VMP1: variants seen among roughly 807,000 people sequenced by gnomAD.
The protein encoded by VMP1 is ectopic P-granules autophagy protein 3 homolog.
In VMP1, 11 loss-of-function variants were observed where a neutral mutation model predicts 56.0. The ratio of observed to expected loss-of-function variants is 0.20; its 90% CI spans 0.12 to 0.32. The LOEUF (loss-of-function observed/expected upper bound fraction) is 0.32, where lower values mean the gene tolerates loss of function less well. Among genes scored for constraint, VMP1 ranks in the 10% least tolerant of loss-of-function variants. The probability of loss-of-function intolerance (pLI) is 1.00; values close to 1 mark genes in which losing one functional copy is unlikely to be tolerated. For synonymous variants in VMP1, 149 were observed against 165.0 expected, an observed-to-expected ratio of 0.90 and a Z score of 0.74; for missense variants, 296 against 490.3, an observed-to-expected ratio of 0.60 and a Z score of 3.74.
At chr17:59,718,184 C>CTTTTTTTTTT (rs971095445) in intron 1 of VMP1, among the ~76,000 whole-genome samples, 4 of 79,252 alleles carry the variant, frequency 5.0e-5, no homozygotes, top group African/African-American at 8.9e-5. Context: ...TCCCTCCCTC[C>CTTTTTTTTTT]TTTTTTTTTT....
At chr17:59,765,231 G>C (rs2036190598) in intron 6 of VMP1, 93 bp downstream of exon 6, 5 of 1,365,516 alleles carry the variant, frequency 3.7e-6, no homozygotes, top group African/African-American at 1.5e-5. Flanking sequence ...CATATTCCTT[G>C]TCAGTAAATG....
chr17:59,788,402 G>T (rs568419895), intron 7 of VMP1, among the ~76,000 whole-genome samples: 2 of 151,944 alleles, frequency 1.3e-5, no homozygotes, highest in South Asian at 4.1e-4. Context: ...CAGGAGAATC[G>T]CTTGAACCCG....
chr17:59,810,885 C>T (rs1213562005), intron 8 of VMP1, among the ~76,000 whole-genome samples: 15 of 152,162 alleles, frequency 9.9e-5, no homozygotes, highest in Admixed American at 9.8e-4. Context: ...ATGAAGTGCT[C>T]AAAAACAGCT....
chr17:59,743,596 T>C (rs1053385180), intron 5 of VMP1, among the ~76,000 whole-genome samples: 1 of 149,414 alleles, frequency 6.7e-6, no homozygotes, highest in African/African-American at 2.4e-5. Context: ...ATATATATGC[T>C]ATATTATATA....
At chr17:59,743,559 GCT>G (rs367998812) in intron 5 of VMP1, among the ~76,000 whole-genome samples, 133 of 145,042 alleles carry the variant, frequency 9.2e-4, no homozygotes, top group South Asian at 2.2e-3. Flanking sequence ...TTAAAAAACT[GCT>G]CTCTCTCTCT....
chr17:59,781,406 C>G (rs549535682), intron 7 of VMP1, among the ~76,000 whole-genome samples: 12 of 152,260 alleles, frequency 7.9e-5, no homozygotes, highest in African/African-American at 2.9e-4. Flanking sequence ...GCATACATAA[C>G]TTTTTATAAA....
chr17:59,833,118 G>A lies in VMP1; in HGVS notation c.975-5177G>A, dbSNP rs78560476. Among the ~76,000 whole-genome samples the A allele has an allele frequency of 7.9e-5, 12 of 152,092 alleles. No individual in the cohort carries two copies. The East Asian group carries it at 2.3e-3, about 29-fold the overall frequency. Reference sequence around the variant, plus strand: ...TTGCAAATTATTACTCCCACCGTGTGTGCACTTTAAATTAATCTTAAGTGT... The same window carrying A: ...TTGCAAATTATTACTCCCACCGTGTATGCACTTTAAATTAATCTTAAGTGT... On this transcript the variant is annotated intron_variant, in intron 10 of 11. Transcript: ENST00000262291.
chr17:59,786,141 T>A (rs1271188854), intron 7 of VMP1, among the ~76,000 whole-genome samples: 1 of 152,242 alleles, frequency 6.6e-6, no homozygotes, highest in Non-Finnish European at 1.5e-5. Context: ...TTCTCATTCT[T>A]ATGGCCAATG....
intron 7 of VMP1, among the ~76,000 whole-genome samples, chr17:59,782,242 C>A (rs2036849318): frequency 6.6e-6 from 1 of 152,052 alleles, no homozygotes. Flanking sequence ...TGGTTTTATT[C>A]TTTTAAGTCT....
Position 59,765,003 on chromosome 17 carries a change from T to G in VMP1, c.447T>G (p.Ala149=), listed in dbSNP as rs1354035106. Residue 149 remains alanine (A), a synonymous_variant, in exon 6 of 12, where the codon GCT becomes GCG. Coordinates refer to ENST00000262291, the MANE Select transcript of VMP1 (RefSeq NM_030938.5). ...GPHIASVTLA[A]YECNSVNFPE... ...ATATAGCCTCAGTTACATTAGCTGC[T>G]TATGAATGCAATTCAGTTAATTTTC... 8 of 1,613,398 alleles carry G rather than the reference T, an allele frequency of 5.0e-6. No homozygotes were observed. Among genetic ancestry groups the G allele is most frequent in the Non-Finnish European group, 6.8e-6 (8 of 1,179,704 alleles).
At chr17:59,839,423 T>C (rs1246758642) in intron 11 of VMP1, 1 of 207,190 alleles carries the variant, frequency 4.8e-6, no homozygotes, top group Non-Finnish European at 9.6e-6. Flanking sequence ...AACAAAAATA[T>C]TTAACTGTCT....
At chr17:59,714,486 A>G (rs1268266003) in intron 1 of VMP1, among the ~76,000 whole-genome samples, 1 of 152,150 alleles carries the variant, frequency 6.6e-6, no homozygotes, top group Non-Finnish European at 1.5e-5. Context: ...TCAAACAATA[A>G]TAGGAGTGTT....
chr17:59,832,761 A>ATTTTTTTTTTTTTTTTTTTTTTTTT, intron 10 of VMP1, among the ~76,000 whole-genome samples: 1 of 101,346 alleles, frequency 9.9e-6, no homozygotes. Flanking sequence ...GCCTGGCAAT[A>ATTTTTTTTTTTTTTTTTTTTTTTTT]TTTTTTTTTT....
chr17:59,801,409 C>G (rs1371231495), intron 7 of VMP1, among the ~76,000 whole-genome samples: 4 of 143,646 alleles, frequency 2.8e-5, no homozygotes, highest in African/African-American at 9.9e-5. Context: ...CCACACCCAG[C>G]TAATTGTTTT....
intron 5 of VMP1, among the ~76,000 whole-genome samples, chr17:59,746,211 C>T (rs1378295106): frequency 6.6e-6 from 1 of 152,188 alleles, no homozygotes; most frequent in Admixed American, 6.5e-5. Context: ...CTCTCTGACA[C>T]CCAGGCTGGA....
chr17:59,770,311 A>G (rs1291626147), intron 6 of VMP1, among the ~76,000 whole-genome samples: 2 of 152,162 alleles, frequency 1.3e-5, no homozygotes, highest in Non-Finnish European at 2.9e-5. Flanking sequence ...TCTATGGAAG[A>G]TTTTCCAAAG....
At chr17:59,708,603 A>G (rs189730183) in intron 1 of VMP1, among the ~76,000 whole-genome samples, 4 of 152,274 alleles carry the variant, frequency 2.6e-5, no homozygotes, top group Admixed American at 2.6e-4. Flanking sequence ...TTTCATTTCT[A>G]CTTTGGGGCT....
intron 10 of VMP1, among the ~76,000 whole-genome samples, chr17:59,823,471 C>A (rs561196823): frequency 6.8e-6 from 1 of 147,316 alleles, no homozygotes; most frequent in Admixed American, 6.8e-5. Flanking sequence ...AAAATCGGGC[C>A]GGGGGCAGTG....
intron 5 of VMP1, among the ~76,000 whole-genome samples, chr17:59,743,467 C>A (rs1568061670): frequency 6.6e-6 from 1 of 151,588 alleles, no homozygotes; most frequent in African/African-American, 2.4e-5. Context: ...TAATAATATT[C>A]CTCTGTATGG....
Sources: allele counts gnomAD v4.1 joint callset (sites outside exome capture counted in the v4.1 genomes callset), GRCh38; gene constraint gnomAD v4.1.1; transcripts MANE v1.5; gene names NCBI Gene and HGNC (gene_info 2026-07-23, HGNC 2026-07-21).